Variants in MGAT5B observed in about 807,000 individuals in gnomAD.
MGAT5B encodes N-acetylglucosaminyl-transferase Vb.
In MGAT5B, 54 loss-of-function variants were observed where a neutral mutation model predicts 95.1. The ratio of observed to expected loss-of-function variants is 0.57; its 90% CI spans 0.46 to 0.71. The LOEUF (loss-of-function observed/expected upper bound fraction) is 0.71, where lower values mean the gene tolerates loss of function less well. MGAT5B is among the 30% of genes least tolerant of loss of function. The pLI, the probability that MGAT5B is intolerant of heterozygous loss-of-function variation, is 0.00. For synonymous variants in MGAT5B, 464 were observed against 451.0 expected (o/e 1.03, Z -0.36); for missense variants, 935 against 1,088.6 (o/e 0.86, Z 1.99).
At chr17:76,891,917 T>C (rs1353918974) in intron 3 of MGAT5B, among the ~76,000 whole-genome samples, 2 of 152,032 alleles carry the variant, frequency 1.3e-5, no homozygotes, top group African/African-American at 4.8e-5. Context: ...ACAGGGTTGT[T>C]CCTCTTCCAA....
intron 3 of MGAT5B, among the ~76,000 whole-genome samples, chr17:76,886,727 A>T (rs1967643598): frequency 6.6e-6 from 1 of 151,836 alleles, no homozygotes; most frequent in Non-Finnish European, 1.5e-5. Flanking sequence ...GTGGGCTTGA[A>T]CCCTGAACTT....
At chr17:76,900,855 A>C (rs1968278036) in intron 3 of MGAT5B, among the ~76,000 whole-genome samples, 1 of 151,722 alleles carries the variant, frequency 6.6e-6, no homozygotes, top group African/African-American at 2.4e-5. Flanking sequence ...GAGAGGACAG[A>C]CTGGATTGTG....
In MGAT5B at chr17:76,916,760, G is replaced by C. The variant is rs1478523459; in HGVS notation, c.1026-8206G>C. On this transcript the variant is annotated intron_variant, in intron 8 of 17. Transcript: ENST00000569840. The surrounding 1 kb of genome is among the most constrained non-coding windows in gnomAD (Gnocchi z 5.3). ...TCAGGGGTCGTGGGTTCTCGAGAAG[G>C]GATGAGGGGACCAGTGTTCTTCCTC... Among the ~76,000 whole-genome samples the C allele has an allele frequency of 1.3e-5, 2 of 152,190 alleles. No individual in the cohort carries two copies. Among genetic ancestry groups the C allele is most frequent in the African/African-American group, 4.8e-5 (2 of 41,432 alleles).
At chr17:76,885,643 A>G (rs1967602052) in intron 3 of MGAT5B, among the ~76,000 whole-genome samples, 1 of 152,206 alleles carries the variant, frequency 6.6e-6, no homozygotes, top group Non-Finnish European at 1.5e-5. Context: ...CCTCCTGGGA[A>G]ATAGCAACCA....
chr17:76,871,576 A>T (rs2145107825), intron 1 of MGAT5B, among the ~76,000 whole-genome samples: 1 of 152,306 alleles, frequency 6.6e-6, no homozygotes, highest in Non-Finnish European at 1.5e-5. Flanking sequence ...AATGGACCAA[A>T]TTTTAATTAA....
rs182740597 is a variant in MGAT5B, at chr17:76,927,659, C to A, written c.1291+929C>A. ...AGCTCAGGGTCAGTTCTCTGCCTCC[C>A]GGGCGCATGGGCCTGCCCTTCTGGA... is the stretch of plus-strand genomic sequence containing the variant. On this transcript the variant is annotated intron_variant, in intron 10 of 17. Coordinates refer to ENST00000569840, the MANE Select transcript of MGAT5B (RefSeq NM_001199172.2). Among the ~76,000 whole-genome samples, 227 of 152,356 alleles carry A rather than the reference C, an allele frequency of 1.5e-3. 1 individual carries two copies. The highest frequency in any genetic ancestry group is 1.4e-3 in the Non-Finnish European group (93 of 68,032).
At chr17:76,876,459 G>GAAA (rs34848815) in intron 2 of MGAT5B, among the ~76,000 whole-genome samples, 2 of 131,082 alleles carry the variant, frequency 1.5e-5, no homozygotes, top group Admixed American at 7.6e-5. Context: ...CTGCTATTTA[G>GAAA]AAAAAAAAAA....
At chr17:76,875,219 C>A (rs1656212766) in intron 2 of MGAT5B, among the ~76,000 whole-genome samples, 1 of 152,154 alleles carries the variant, frequency 6.6e-6, no homozygotes, top group African/African-American at 2.4e-5. Flanking sequence ...TATCCCCACC[C>A]AAATCTCATC....
rs990507234 is a variant in MGAT5B, at chr17:76,917,543, C to T, written c.1026-7423C>T. ...TTGGTAAAAGGAATGCATTTTCCTG[C>T]AAGCCAGACTGCTTTTTCCTCGGCA... On this transcript the variant is annotated intron_variant, in intron 8 of 17. Transcript: ENST00000569840. The surrounding 1 kb of genome is among the most constrained non-coding windows in gnomAD (Gnocchi z 6.1). Among the ~76,000 whole-genome samples, 1 of 152,184 alleles carries T rather than the reference C, an allele frequency of 6.6e-6. No individual in the cohort carries two copies. Among genetic ancestry groups the T allele is most frequent in the Non-Finnish European group, 1.5e-5 (1 of 68,020 alleles).
chr17:76,945,069 C>T (rs1159051513), intron 15 of MGAT5B, among the ~76,000 whole-genome samples: 3 of 152,266 alleles, frequency 2.0e-5, no homozygotes, highest in South Asian at 2.1e-4. Context: ...TGACTGCTGC[C>T]CCTGCCCTTT....
intron 3 of MGAT5B, among the ~76,000 whole-genome samples, chr17:76,886,113 G>A (rs747510488): frequency 6.6e-6 from 1 of 152,190 alleles, no homozygotes. Flanking sequence ...ATCGTATTAT[G>A]TATCCTCAAG....
intron 3 of MGAT5B, among the ~76,000 whole-genome samples, chr17:76,892,234 G>A (rs556080012): frequency 1.4e-3 from 220 of 152,352 alleles, no homozygotes; most frequent in Non-Finnish European, 2.7e-3. Context: ...TTTTAGGGGA[G>A]ATGGGGTTTC....
At chr17:76,942,567 G>A (rs118038347) in intron 15 of MGAT5B, among the ~76,000 whole-genome samples, 139 of 152,288 alleles carry the variant, frequency 9.1e-4, no homozygotes, top group Non-Finnish European at 1.7e-3. Flanking sequence ...TGGCCCCTTG[G>A]CCACGCCCTA....
At position 76,934,072 on chromosome 17, in the gene MGAT5B, A is replaced by G. The variant is rs867742952; in HGVS notation, c.1428+775A>G. Among the ~76,000 whole-genome samples, 5 of 152,290 alleles carry G rather than the reference A, an allele frequency of 3.3e-5. No individual in the cohort carries two copies. The South Asian group carries it at 6.2e-4, about 19-fold the overall frequency. ...CATTATTTCCAGGCAGCTCAGCTCA[A>G]TGTGCCCAGCCCTGTTCTGGGTTCT... On this transcript the variant is annotated intron_variant, in intron 12 of 17. Coordinates refer to ENST00000569840, the MANE Select transcript of MGAT5B (RefSeq NM_001199172.2).
At chr17:76,880,807 C>A (rs752057065) in intron 2 of MGAT5B, among the ~76,000 whole-genome samples, 1 of 152,166 alleles carries the variant, frequency 6.6e-6, no homozygotes. Context: ...GTAATATTCT[C>A]GGCAGTGCAG....
intron 16 of MGAT5B, among the ~76,000 whole-genome samples, chr17:76,947,447 C>T (rs1970066389): frequency 6.6e-6 from 1 of 152,146 alleles, no homozygotes; most frequent in South Asian, 2.1e-4. Flanking sequence ...CAGGGAGAGC[C>T]TCACAGCCAG....
In MGAT5B at chr17:76,905,847, C is replaced by T. The variant is rs1038109502; in HGVS notation, c.856-171C>T. On this transcript the variant is annotated intron_variant, in intron 7 of 17. Coordinates refer to ENST00000569840, the MANE Select transcript of MGAT5B (RefSeq NM_001199172.2). The surrounding 1 kb of genome is among the most constrained non-coding windows in gnomAD (Gnocchi z 4.2). ...AGGGCAAGCACGTGACTATCTTGTT[C>T]GCCCGTGTCCCCAGTGCCCGATCTG... Among the ~76,000 whole-genome samples, 4 of 152,168 alleles carry T rather than the reference C, an allele frequency of 2.6e-5. No individual in the cohort carries two copies. The highest frequency in any genetic ancestry group is 7.2e-5 in the African/African-American group (3 of 41,432).
At chr17:76,895,761 A>ACATGC (rs1968043103) in intron 3 of MGAT5B, among the ~76,000 whole-genome samples, 1 of 152,246 alleles carries the variant, frequency 6.6e-6, no homozygotes, top group Admixed American at 6.5e-5. Flanking sequence ...AAGTAAAGTC[A>ACATGC]CATGCTTAGC....
chr17:76,926,363 C>T (rs1046297110), intron 9 of MGAT5B, among the ~76,000 whole-genome samples: 1 of 152,184 alleles, frequency 6.6e-6, no homozygotes, highest in Non-Finnish European at 1.5e-5. Flanking sequence ...TCCCTACAAC[C>T]CTGAGACAAT....
Sources: gnomAD v4.1 joint callset for allele counts (sites outside exome capture counted in the v4.1 genomes callset) on GRCh38, gnomAD v4.1.1 for gene constraint, Gnocchi (gnomAD v3.1) non-coding constraint, MANE v1.5 for transcripts, NCBI Gene and HGNC (gene_info 2026-07-23, HGNC 2026-07-21) for gene names.